Variants in IMMP2L observed in about 807,000 individuals in gnomAD.
IMMP2L encodes the protein inner mitochondrial membrane peptidase subunit 2, also known as mitochondrial inner membrane protease subunit 2.
IMMP2L carries 18 observed loss-of-function variants against 19.3 expected under a neutral mutation model. That is an observed-to-expected ratio of 0.93 (90% confidence interval 0.64 to 1.38). IMMP2L has a LOEUF of 1.38. Ranked by LOEUF, IMMP2L falls within the 40% of genes most tolerant of loss-of-function variation. The pLI is 0.00. For missense variants in IMMP2L, 233 were observed against 218.2 expected (o/e 1.07, Z -0.43); for synonymous variants, 76 against 73.0 (o/e 1.04, Z -0.21).
At chr7:110,930,272 T>C (rs1324931352) in intron 4 of IMMP2L, among the ~76,000 whole-genome samples, 1 of 152,158 alleles carries the variant, frequency 6.6e-6, no homozygotes, top group East Asian at 1.9e-4. Context: ...GTTATCCTCT[T>C]AGTTTTGTCC....
intron 3 of IMMP2L, among the ~76,000 whole-genome samples, chr7:111,463,998 G>A (rs926822843): frequency 6.6e-6 from 1 of 152,142 alleles, no homozygotes; most frequent in African/African-American, 2.4e-5. Context: ...ATTTGCTACT[G>A]TTTTGCTCCT....
Position 111,561,897 on chromosome 7 carries a change from G to A in IMMP2L, c.-49C>T, listed in dbSNP as rs1439429813. Reference sequence around the variant, plus strand: ...GTGAGAAGGGGTAAGTGGTTATTTTGTGCCCTCGCCCAATTTGGCCAAAAC... The same window carrying A: ...GTGAGAAGGGGTAAGTGGTTATTTTATGCCCTCGCCCAATTTGGCCAAAAC... On this transcript the variant is annotated 5_prime_UTR_variant, in exon 1 of 6. It introduces an in-frame stop codon into an upstream open reading frame of the 5' UTR. Coordinates refer to ENST00000405709, the MANE Select transcript of IMMP2L (RefSeq NM_032549.4). 1 of 152,616 alleles carries A rather than the reference G, an allele frequency of 6.6e-6. No homozygotes were observed. Among genetic ancestry groups the A allele is most frequent in the Non-Finnish European group, 1.5e-5 (1 of 68,090 alleles). 9.5% of individuals were successfully genotyped at this position (152,616 alleles called of 1,614,324 possible).
chr7:111,426,138 T>C (rs1026795532), intron 3 of IMMP2L, among the ~76,000 whole-genome samples: 2 of 151,136 alleles, frequency 1.3e-5, no homozygotes, highest in African/African-American at 4.9e-5. Flanking sequence ...GGTAACCTTA[T>C]AATACATAAA....
At chr7:111,217,905 A>G (rs1812123422) in intron 3 of IMMP2L, among the ~76,000 whole-genome samples, 1 of 152,074 alleles carries the variant, frequency 6.6e-6, no homozygotes, top group Admixed American at 6.6e-5. Context: ...TCTACTATGA[A>G]TTGAAAGTCT....
intron 5 of IMMP2L, among the ~76,000 whole-genome samples, chr7:110,863,325 G>A (rs1223136774): frequency 6.6e-6 from 1 of 152,102 alleles, no homozygotes; most frequent in African/African-American, 2.4e-5. Context: ...CAGGTTAAAA[G>A]AGCAGCCCCC....
At chr7:111,476,640 T>TA (rs1339730940) in intron 3 of IMMP2L, among the ~76,000 whole-genome samples, 2 of 152,154 alleles carry the variant, frequency 1.3e-5, no homozygotes, top group African/African-American at 4.8e-5. Context: ...CCAGGCTCAT[T>TA]AAGTTGTTGG....
intron 3 of IMMP2L, among the ~76,000 whole-genome samples, chr7:111,234,050 A>G (rs1279778198): frequency 6.6e-6 from 1 of 152,086 alleles, no homozygotes; most frequent in Non-Finnish European, 1.5e-5. Flanking sequence ...TCATTATAAT[A>G]CAAATGGTGC....
intron 1 of IMMP2L, among the ~76,000 whole-genome samples, chr7:111,537,240 T>C (rs1264276878): frequency 6.6e-6 from 1 of 152,130 alleles, no homozygotes; most frequent in East Asian, 1.9e-4. Context: ...ATGGATTTTA[T>C]AAAGGATAGA....
At chr7:111,219,082 G>A (rs1191736714) in intron 3 of IMMP2L, among the ~76,000 whole-genome samples, 2 of 151,974 alleles carry the variant, frequency 1.3e-5, no homozygotes, top group African/African-American at 2.4e-5. Flanking sequence ...AAAAGACTAC[G>A]TGGCTAACAA....
intron 3 of IMMP2L, among the ~76,000 whole-genome samples, chr7:111,456,395 C>G (rs1350827605): frequency 1.3e-5 from 2 of 151,732 alleles, no homozygotes; most frequent in African/African-American, 4.9e-5. Context: ...CTCTTCAATC[C>G]TAGATTAGTT....
intron 5 of IMMP2L, among the ~76,000 whole-genome samples, chr7:110,798,481 ATAAACT>A (rs940999520): frequency 1.3e-5 from 2 of 151,988 alleles, no homozygotes; most frequent in East Asian, 1.9e-4. Context: ...TTTTAAAGAG[ATAAACT>A]TAGACGGATG....
intron 3 of IMMP2L, among the ~76,000 whole-genome samples, chr7:111,484,125 C>T (rs1842422100): frequency 6.6e-6 from 1 of 152,168 alleles, no homozygotes; most frequent in Non-Finnish European, 1.5e-5. Context: ...CTCAACCCTT[C>T]CTTATACCAC....
intron 3 of IMMP2L, among the ~76,000 whole-genome samples, chr7:111,439,748 T>C (rs1837535875): frequency 6.6e-6 from 1 of 151,866 alleles, no homozygotes; most frequent in Admixed American, 6.6e-5. Context: ...GCTTGCTGCA[T>C]CAATTGGCTC....
rs552443991 is a variant in IMMP2L, at chr7:111,507,686, TCA to T, written c.135+13625_135+13626del. Among the ~76,000 whole-genome samples, 516 of 152,290 alleles carry T rather than the reference TCA, an allele frequency of 3.4e-3. 3 individuals are homozygous for T. The highest frequency in any genetic ancestry group is 7.2e-3 in the Admixed American group (110 of 15,296). On this transcript the variant is annotated intron_variant, in intron 2 of 5. Transcript: ENST00000405709. ...TTCACTAATAGTACCAATTTTTGTT[TCA>T]GTTATCTCTTGCTTCATAACAAACC...
intron 5 of IMMP2L, among the ~76,000 whole-genome samples, chr7:110,873,629 C>T (rs2129544090): frequency 6.7e-6 from 1 of 150,224 alleles, no homozygotes; most frequent in South Asian, 2.1e-4. Context: ...AAAAAATTAG[C>T]CAGGCATGGT....
intron 3 of IMMP2L, among the ~76,000 whole-genome samples, chr7:111,121,958 C>T (rs994133204): frequency 2.0e-5 from 3 of 151,848 alleles, no homozygotes; most frequent in Non-Finnish European, 2.9e-5. Context: ...AATCATCATT[C>T]TCAGCAAACT....
intron 5 of IMMP2L, among the ~76,000 whole-genome samples, chr7:110,770,774 C>G (rs1293139645): frequency 6.6e-6 from 1 of 152,142 alleles, no homozygotes; most frequent in African/African-American, 2.4e-5. Flanking sequence ...GGTCATTAGG[C>G]GGATATAGCG....
chr7:110,923,328 G>A (rs1814504489), intron 4 of IMMP2L, among the ~76,000 whole-genome samples: 2 of 152,098 alleles, frequency 1.3e-5, no homozygotes, highest in Admixed American at 6.6e-5. Flanking sequence ...ATTGTTTTGA[G>A]AATAAATTAA....
At chr7:111,505,653 A>C (rs1844811214) in intron 2 of IMMP2L, among the ~76,000 whole-genome samples, 1 of 152,154 alleles carries the variant, frequency 6.6e-6, no homozygotes, top group African/African-American at 2.4e-5. Context: ...AAAAATGATG[A>C]GTTCATGTCC....
Sources: allele counts gnomAD v4.1 joint callset (sites outside exome capture counted in the v4.1 genomes callset), GRCh38; gene constraint gnomAD v4.1.1; transcripts MANE v1.5; gene names NCBI Gene and HGNC (gene_info 2026-07-23, HGNC 2026-07-21).